Variants in PPP2CB observed in about 807,000 individuals in gnomAD.
PPP2CB encodes serine/threonine-protein phosphatase 2A catalytic subunit beta isoform.
PPP2CB carries 18 observed loss-of-function variants against 39.1 expected under a neutral mutation model. The ratio of observed to expected loss-of-function variants is 0.46; its 90% CI spans 0.32 to 0.68. The LOEUF is 0.68. PPP2CB is among the 30% of genes least tolerant of loss of function. The pLI is 0.04. For missense variants in PPP2CB, 226 were observed against 396.9 expected (o/e 0.57, Z 3.66); for synonymous variants, 129 against 133.8 (o/e 0.96, Z 0.25).
At chr8:30,805,250 A>G (rs1806700825) in intron 1 of PPP2CB, among the ~76,000 whole-genome samples, 1 of 152,156 alleles carries the variant, frequency 6.6e-6, no homozygotes, top group South Asian at 2.1e-4. Context: ...GATGAAAATT[A>G]TTTCCCTCTC....
At chr8:30,804,351 GAATTTC>G (rs1286195369) in intron 1 of PPP2CB, among the ~76,000 whole-genome samples, 1 of 152,128 alleles carries the variant, frequency 6.6e-6, no homozygotes, top group Non-Finnish European at 1.5e-5. Context: ...TTTGCCCCTG[GAATTTC>G]CTGCTTGGTA....
intron 3 of PPP2CB, among the ~76,000 whole-genome samples, chr8:30,796,608 C>T (rs1411773463): frequency 6.6e-6 from 1 of 151,910 alleles, no homozygotes; most frequent in Non-Finnish European, 1.5e-5. Flanking sequence ...AGGCTGGTCT[C>T]GAACTCCCTA....
intron 1 of PPP2CB, among the ~76,000 whole-genome samples, chr8:30,809,770 A>AT (rs1480036291): frequency 2.0e-5 from 3 of 152,054 alleles, no homozygotes; most frequent in Non-Finnish European, 4.4e-5. Context: ...GTGAGACCCC[A>AT]TAAAAAAAAT....
intron 1 of PPP2CB, among the ~76,000 whole-genome samples, chr8:30,802,931 T>C (rs1438834087): frequency 1.3e-5 from 2 of 152,212 alleles, no homozygotes; most frequent in Non-Finnish European, 2.9e-5. Flanking sequence ...ATGCTGACAA[T>C]GCTGCTGTTG....
intron 1 of PPP2CB, among the ~76,000 whole-genome samples, chr8:30,803,198 T>C (rs1474661894): frequency 6.6e-6 from 1 of 152,222 alleles, no homozygotes; most frequent in East Asian, 1.9e-4. Context: ...TGTTTTTTTT[T>C]AAGACATGGT....
intron 3 of PPP2CB, 76 bp from the exon 4 acceptor site, chr8:30,794,357 A>G (rs1806485392): frequency 3.1e-6 from 4 of 1,273,320 alleles, no homozygotes; most frequent in African/African-American, 3.0e-5. Context: ...AATAATGGTT[A>G]AAAGTGTCAG....
intron 1 of PPP2CB, among the ~76,000 whole-genome samples, chr8:30,807,091 T>C (rs1806738092): frequency 6.6e-6 from 1 of 152,214 alleles, no homozygotes; most frequent in African/African-American, 2.4e-5. Flanking sequence ...GTCACTAGAA[T>C]TGGGTCTTGA....
chr8:30,796,383 A>G (rs780135317), intron 3 of PPP2CB, among the ~76,000 whole-genome samples: 1 of 151,974 alleles, frequency 6.6e-6, no homozygotes, highest in Non-Finnish European at 1.5e-5. Flanking sequence ...TTTTATATTT[A>G]TTTATTTTAT....
At chr8:30,791,935 T>C (rs1232616562) in intron 5 of PPP2CB, among the ~76,000 whole-genome samples, 1 of 151,270 alleles carries the variant, frequency 6.6e-6, no homozygotes. Flanking sequence ...TATATGTATG[T>C]ATACATGTAT....
chr8:30,811,949 G>C (rs1168368560), intron 1 of PPP2CB, among the ~76,000 whole-genome samples: 1 of 152,166 alleles, frequency 6.6e-6, no homozygotes, highest in Non-Finnish European at 1.5e-5. Context: ...CGTCGCTCTC[G>C]CTAGTCCACT....
At chr8:30,792,636 T>A (rs1381216898) in intron 5 of PPP2CB, among the ~76,000 whole-genome samples, 1 of 143,454 alleles carries the variant, frequency 7.0e-6, no homozygotes, top group Non-Finnish European at 1.5e-5. Flanking sequence ...TTTTTTTTTA[T>A]ATAGAGATGA....
intron 6 of PPP2CB, 113 bp from the exon 7 acceptor site, chr8:30,786,420 T>A: frequency 1.2e-6 from 1 of 809,130 alleles, no homozygotes; most frequent in Non-Finnish European, 1.9e-6. Context: ...CCACCATGAC[T>A]ACATCACTTA....
intron 2 of PPP2CB, among the ~76,000 whole-genome samples, chr8:30,798,854 C>T (rs997355391): frequency 1.1e-4 from 17 of 152,126 alleles, no homozygotes; most frequent in African/African-American, 4.1e-4. Flanking sequence ...GGAAGTGAGA[C>T]CTGAGCTGAG....
intron 1 of PPP2CB, among the ~76,000 whole-genome samples, chr8:30,808,656 C>T (rs772304102): frequency 1.7e-4 from 26 of 152,152 alleles, no homozygotes; most frequent in Non-Finnish European, 3.4e-4. Flanking sequence ...TAGACCAAGT[C>T]AGGAGTAAAG....
chr8:30,794,086 A>G lies in PPP2CB; in HGVS notation c.577-8T>C. 6.2e-7 allele frequency: 1 copy of G among 1,603,414 alleles called. No homozygotes were observed. The highest frequency in any genetic ancestry group is 8.5e-7 in the Non-Finnish European group (1 of 1,174,330). On this transcript the variant is annotated splice_region_variant and splice_polypyrimidine_tract_variant and intron_variant, in intron 4 of 6. Transcript: ENST00000221138. Reference sequence around the variant, plus strand: ...CAGATCACACATTGGGCCCTGGCCAAGAAAAATAAGTACATGTTACAAATT... The same window carrying G: ...CAGATCACACATTGGGCCCTGGCCAGGAAAAATAAGTACATGTTACAAATT...
chr8:30,812,269 G>T, intron 1 of PPP2CB, 51 bp downstream of exon 1: 1 of 1,354,670 alleles, frequency 7.4e-7, no homozygotes, highest in Non-Finnish European at 9.7e-7. Context: ...CAGGAAAGCG[G>T]CGGCCCGTCC....
At chr8:30,789,273 G>A (rs1223816242) in intron 6 of PPP2CB, among the ~76,000 whole-genome samples, 3 of 151,974 alleles carry the variant, frequency 2.0e-5, no homozygotes, top group Non-Finnish European at 2.9e-5. Context: ...CAGGTGATCC[G>A]CCCACCTCGG....
chr8:30,798,015 A>G (rs1044666845), intron 2 of PPP2CB, among the ~76,000 whole-genome samples: 5 of 152,216 alleles, frequency 3.3e-5, no homozygotes, highest in Non-Finnish European at 1.5e-5. Flanking sequence ...TTATATTACT[A>G]TAATAAACTT....
At chr8:30,798,327 T>C (rs1213143186) in intron 2 of PPP2CB, among the ~76,000 whole-genome samples, 1 of 152,228 alleles carries the variant, frequency 6.6e-6, no homozygotes, top group Non-Finnish European at 1.5e-5. Flanking sequence ...ATGCATCTGA[T>C]AAGAAATACG....
Sources: gnomAD v4.1 joint callset for allele counts (sites outside exome capture counted in the v4.1 genomes callset) on GRCh38, gnomAD v4.1.1 for gene constraint, MANE v1.5 for transcripts, NCBI Gene and HGNC (gene_info 2026-07-23, HGNC 2026-07-21) for gene names.